CNTNAP2: variants seen among roughly 807,000 people sequenced by gnomAD.
CNTNAP2 encodes contactin associated protein 2, also known as contactin-associated protein-like 2.
CNTNAP2 carries 98 observed loss-of-function variants against 155.2 expected under a neutral mutation model. The observed-to-expected ratio is 0.63, with a 90% CI of 0.54 to 0.75. The LOEUF (loss-of-function observed/expected upper bound fraction) is 0.75. Among genes scored for constraint, CNTNAP2 ranks in the 30% least tolerant of loss-of-function variants. The probability of loss-of-function intolerance (pLI) is 0.00; values close to 1 mark genes in which losing one functional copy is unlikely to be tolerated. For missense variants in CNTNAP2, 1,727 were observed against 1,688.1 expected (o/e 1.02, Z -0.40); for synonymous variants, 651 against 631.2 (o/e 1.03, Z -0.47).
intron 1 of CNTNAP2, among the ~76,000 whole-genome samples, chr7:146,247,641 A>G (rs1799683360): frequency 6.6e-6 from 1 of 152,198 alleles, no homozygotes; most frequent in Non-Finnish European, 1.5e-5. Context: ...AATTATTTAG[A>G]TCTTGCAGGA....
intron 1 of CNTNAP2, among the ~76,000 whole-genome samples, chr7:146,130,242 G>T (rs566991118): frequency 6.6e-6 from 1 of 152,312 alleles, no homozygotes; most frequent in African/African-American, 2.4e-5. Context: ...CAAGAGGATT[G>T]CTTGAGGCCA....
chr7:147,421,745 G>A (rs571485733), intron 10 of CNTNAP2, among the ~76,000 whole-genome samples: 49 of 152,144 alleles, frequency 3.2e-4, no homozygotes, highest in African/African-American at 1.2e-3. Context: ...GGGTCACGGG[G>A]GTGGATCCCT....
intron 1 of CNTNAP2, among the ~76,000 whole-genome samples, chr7:146,359,627 T>A (rs1563054311): frequency 6.6e-6 from 1 of 152,232 alleles, no homozygotes; most frequent in Non-Finnish European, 1.5e-5. Flanking sequence ...AACATCTCTA[T>A]GAACATTTCA....
intron 1 of CNTNAP2, among the ~76,000 whole-genome samples, chr7:146,598,113 A>G (rs1039343938): frequency 6.6e-6 from 1 of 152,112 alleles, no homozygotes; most frequent in African/African-American, 2.4e-5. Context: ...CAGGCTGGAG[A>G]AAAACATGCA....
intron 1 of CNTNAP2, among the ~76,000 whole-genome samples, chr7:146,246,669 C>G (rs886329387): frequency 4.6e-5 from 7 of 151,458 alleles, no homozygotes; most frequent in Non-Finnish European, 8.8e-5. Flanking sequence ...CCAAGAAGAT[C>G]TGGGAAGGAG....
chr7:148,003,340 T>C (rs898815688), intron 15 of CNTNAP2, among the ~76,000 whole-genome samples: 1 of 152,158 alleles, frequency 6.6e-6, no homozygotes, highest in Non-Finnish European at 1.5e-5. Context: ...ATACTTCCTG[T>C]TTGCTAATGC....
chr7:147,172,735 T>C (rs2116479933), intron 8 of CNTNAP2, among the ~76,000 whole-genome samples: 1 of 152,248 alleles, frequency 6.6e-6, no homozygotes, highest in East Asian at 1.9e-4. Context: ...TTCTTGGAGC[T>C]AAACTCAAGG....
chr7:146,669,061 T>C (rs1182116613), intron 1 of CNTNAP2, among the ~76,000 whole-genome samples: 2 of 152,320 alleles, frequency 1.3e-5, no homozygotes, highest in Non-Finnish European at 2.9e-5. Flanking sequence ...GATACAATAA[T>C]ACTTTCCTGA....
chr7:147,172,960 G>C (rs988813850), intron 8 of CNTNAP2, among the ~76,000 whole-genome samples: 1 of 152,000 alleles, frequency 6.6e-6, no homozygotes, highest in African/African-American at 2.4e-5. Flanking sequence ...GACAAATCAA[G>C]AAGAAAGGAA....
intron 1 of CNTNAP2, among the ~76,000 whole-genome samples, chr7:146,721,562 CTATA>C (rs1170710605): frequency 8.8e-6 from 1 of 113,132 alleles, no homozygotes; most frequent in Non-Finnish European, 1.6e-5. Flanking sequence ...TATATACATT[CTATA>C]TATATTCTAT....
chr7:147,841,835 A>T (rs1798737850), intron 13 of CNTNAP2, among the ~76,000 whole-genome samples: 1 of 152,208 alleles, frequency 6.6e-6, no homozygotes, highest in African/African-American at 2.4e-5. Context: ...ATTTGGCTTC[A>T]ATAACAATAT....
intron 13 of CNTNAP2, among the ~76,000 whole-genome samples, chr7:147,804,109 A>G (rs1219835586): frequency 1.3e-5 from 2 of 152,230 alleles, no homozygotes; most frequent in Admixed American, 6.5e-5. Context: ...GATCTAGTCT[A>G]GTTCCAGATG....
chr7:148,331,651 C>CA, intron 21 of CNTNAP2, among the ~76,000 whole-genome samples: 2 of 149,058 alleles, frequency 1.3e-5, no homozygotes, highest in Middle Eastern at 3.6e-3. Context: ...ATGGAATGGA[C>CA]GGATGGAGTG....
At chr7:146,493,973 A>T (rs955016573) in intron 1 of CNTNAP2, among the ~76,000 whole-genome samples, 3 of 152,202 alleles carry the variant, frequency 2.0e-5, no homozygotes, top group African/African-American at 7.2e-5. Flanking sequence ...ACCACTATAC[A>T]GTTCATCCAT....
At position 146,836,134 on chromosome 7, in the gene CNTNAP2, A is replaced by G. The variant is rs74662905; in HGVS notation, c.209-3577A>G. ...GTTACATCGTTTGCACATATATTCC[A>G]TAGATAGCACCCATATAACCTATGC... On this transcript the variant is annotated intron_variant, in intron 2 of 23. Transcript: ENST00000361727. 5.2e-4 allele frequency among the ~76,000 whole-genome samples: 79 copies of G among 152,328 alleles called. 3 individuals are homozygous for G. The East Asian group carries it at 0.013, about 26-fold the overall frequency.
chr7:147,007,470 T>A (rs920492948), intron 3 of CNTNAP2, among the ~76,000 whole-genome samples: 2 of 152,138 alleles, frequency 1.3e-5, no homozygotes, highest in Non-Finnish European at 2.9e-5. Flanking sequence ...TAACTTGTCA[T>A]GAAATTTTAA....
intron 14 of CNTNAP2, among the ~76,000 whole-genome samples, chr7:147,912,515 G>A (rs1190783771): frequency 6.6e-6 from 1 of 152,168 alleles, no homozygotes; most frequent in African/African-American, 2.4e-5. Flanking sequence ...CAGTGCAGTG[G>A]AAACGAAGCT....
At chr7:146,238,694 A>G (rs1201366173) in intron 1 of CNTNAP2, among the ~76,000 whole-genome samples, 2 of 152,004 alleles carry the variant, frequency 1.3e-5, no homozygotes, top group Admixed American at 6.6e-5. Context: ...CTATGAAGAA[A>G]TACCTATGAC....
At position 146,262,463 on chromosome 7, in the gene CNTNAP2, AT is replaced by A. The variant is rs546073605; in HGVS notation, c.97+145491del. On this transcript the variant is annotated intron_variant, in intron 1 of 23. Transcript: ENST00000361727. The stretch of plus-strand genomic sequence containing the variant: ...CAGTTGAGCAAAGTCATACTTTTGT[AT>A]GCCTTTTAAGATACAGAAAGAAATA... Among the ~76,000 whole-genome samples the A allele has an allele frequency of 1.1e-4, 16 of 152,300 alleles. No homozygotes were observed. In the South Asian group the frequency reaches 3.3e-3, roughly 32 times the overall value.
Sources: gnomAD v4.1 joint callset for allele counts (sites outside exome capture counted in the v4.1 genomes callset) on GRCh38, gnomAD v4.1.1 for gene constraint, MANE v1.5 for transcripts, NCBI Gene and HGNC (gene_info 2026-07-23, HGNC 2026-07-21) for gene names.